The following EIF2AK4 variants were observed in gnomAD, a reference collection of about 807,000 sequenced individuals.
The protein encoded by EIF2AK4 is eIF-2-alpha kinase GCN2.
A neutral mutation model predicts 211.1 loss-of-function variants in EIF2AK4; 139 were observed. The ratio of observed to expected loss-of-function variants is 0.66; its 90% CI spans 0.57 to 0.76. EIF2AK4 has a LOEUF of 0.76. Ranked by LOEUF, EIF2AK4 falls within the 30% of genes least tolerant of loss-of-function variation. The probability of loss-of-function intolerance (pLI) is 0.00; values close to 1 mark genes in which losing one functional copy is unlikely to be tolerated. For missense variants in EIF2AK4, 1,664 were observed against 2,043.8 expected, an observed-to-expected ratio of 0.81 and a Z score of 3.58; for synonymous variants, 710 against 751.3, an observed-to-expected ratio of 0.94 and a Z score of 0.90.
chr15:40,025,860 C>T, intron 32 of EIF2AK4, 117 bp from the exon 33 acceptor site: 3 of 965,850 alleles, frequency 3.1e-6, no homozygotes, highest in Non-Finnish European at 3.1e-6. Flanking sequence ...GCAAAATTGA[C>T]CCTGGTTAAG....
chr15:39,986,043 T>A (rs191828206), intron 14 of EIF2AK4, among the ~76,000 whole-genome samples, 155 bp downstream of exon 14: 44 of 152,296 alleles, frequency 2.9e-4, no homozygotes, highest in African/African-American at 1.0e-3. Context: ...GGAGGCCCTT[T>A]TCCCCAGCCT....
intron 13 of EIF2AK4, 98 bp from the exon 14 acceptor site, chr15:39,985,707 G>A: frequency 9.7e-7 from 1 of 1,032,298 alleles, no homozygotes; most frequent in South Asian, 1.5e-5. Flanking sequence ...CAACTGGGTG[G>A]CCCTGTGTTG....
At chr15:40,024,105 A>C (rs766294700) in intron 32 of EIF2AK4, among the ~76,000 whole-genome samples, 1 of 152,134 alleles carries the variant, frequency 6.6e-6, no homozygotes, top group Non-Finnish European at 1.5e-5. Context: ...TTCTTGATGA[A>C]TTGTCTTCAT....
intron 11 of EIF2AK4, chr15:39,973,993 G>A (rs1419531519): frequency 6.0e-6 from 2 of 334,914 alleles, no homozygotes; most frequent in African/African-American, 4.3e-5. Context: ...AACACACATG[G>A]TTATAACAGC....
At chr15:40,027,371 T>G (rs1595438074) in intron 33 of EIF2AK4, among the ~76,000 whole-genome samples, 1 of 152,234 alleles carries the variant, frequency 6.6e-6, no homozygotes, top group South Asian at 2.1e-4. Flanking sequence ...TTTAAGATTA[T>G]TATGAAAATA....
chr15:39,956,695 G>A (rs1483945418), intron 6 of EIF2AK4, among the ~76,000 whole-genome samples: 1 of 152,136 alleles, frequency 6.6e-6, no homozygotes, highest in Non-Finnish European at 1.5e-5. Context: ...AAGGAATTTT[G>A]GTGAAGAAAC....
Position 39,967,562 on chromosome 15 carries a change from C to A in EIF2AK4, c.1236C>A (p.Gly412=). Residue 412 remains glycine (G), a synonymous_variant, in exon 9 of 39, where the codon GGC becomes GGA. Coordinates refer to ENST00000263791, the MANE Select transcript of EIF2AK4 (RefSeq NM_001013703.4). ...LRRYTAQLLS[G]LDYLHSNSVV... The stretch of plus-strand genomic sequence containing the variant: ...GGTACACAGCTCAGCTCCTGTCAGG[C>A]CTTGATTATCTGCACAGCAATTCTG... 6.2e-7 allele frequency: 1 copy of A among 1,613,864 alleles called. No individual in the cohort carries two copies. Among genetic ancestry groups the A allele is most frequent in the Non-Finnish European group, 8.5e-7 (1 of 1,179,870 alleles).
intron 1 of EIF2AK4, among the ~76,000 whole-genome samples, chr15:39,935,557 C>T (rs77107547): frequency 1.2e-3 from 190 of 152,188 alleles, no homozygotes; most frequent in African/African-American, 4.4e-3. Flanking sequence ...TATCAAGTTC[C>T]TGAGCTCATG....
rs7173708 is a variant in EIF2AK4, at chr15:39,977,846, A to G, written c.2250-232A>G. 0.99 allele frequency: 321,203 copies of G among 322,864 alleles called. 159,799 individuals are homozygous for G. The highest frequency in any genetic ancestry group is 1 in the East Asian group (21,214 of 21,214). The allele number at this position is 322,864 out of a possible 1,614,324, so 20.0% of individuals were successfully genotyped here. On this transcript the variant is annotated intron_variant, in intron 12 of 38. Coordinates refer to ENST00000263791, the MANE Select transcript of EIF2AK4 (RefSeq NM_001013703.4). ...TGGATACAGTTTATGATTACTCTTC[A>G]CTATTAAATTTTTTGAGGAAACTTA...
At chr15:39,982,326 C>A (rs565351084) in intron 13 of EIF2AK4, among the ~76,000 whole-genome samples, 25 of 152,312 alleles carry the variant, frequency 1.6e-4, no homozygotes, top group Admixed American at 8.5e-4. Flanking sequence ...CTGAACCCTT[C>A]AAATATTAGC....
chr15:40,003,108 A>G lies in EIF2AK4; in HGVS notation c.3236-85A>G, dbSNP rs2035114381. On this transcript the variant is annotated intron_variant, in intron 22 of 38. Coordinates refer to ENST00000263791, the MANE Select transcript of EIF2AK4 (RefSeq NM_001013703.4). ...TCAATGGTCCCAGTAGCAATTACTT[A>G]ACTGTCAGGTTTGTGTTAATTTTAG... The G allele has an allele frequency of 5.8e-6, 9 of 1,552,882 alleles. No homozygotes were observed. In the Middle Eastern group the frequency reaches 6.5e-4, roughly 112 times the overall value.
intron 18 of EIF2AK4, among the ~76,000 whole-genome samples, chr15:39,996,725 A>G (rs2035023253): frequency 1.3e-5 from 2 of 152,144 alleles, no homozygotes; most frequent in African/African-American, 4.8e-5. Flanking sequence ...AAGAAAAAAA[A>G]TTTCTAGGAA....
intron 33 of EIF2AK4, among the ~76,000 whole-genome samples, chr15:40,029,081 T>C (rs2035503768): frequency 6.6e-6 from 1 of 152,186 alleles, no homozygotes. Context: ...CCTTGTATTA[T>C]GAGGGGGGCG....
At chr15:39,954,378 G>A (rs761265538) in intron 5 of EIF2AK4, among the ~76,000 whole-genome samples, 7 of 152,086 alleles carry the variant, frequency 4.6e-5, no homozygotes, top group Non-Finnish European at 1.0e-4. Flanking sequence ...TCAGCCTCCC[G>A]AGTATCTGGG....
intron 31 of EIF2AK4, chr15:40,022,280 A>G (rs935056184): frequency 2.4e-6 from 1 of 412,366 alleles, no homozygotes; most frequent in African/African-American, 2.1e-5. Context: ...ACCTCTTACT[A>G]TTGATTGATT....
At chr15:40,000,922 T>A (rs2035080876) in intron 20 of EIF2AK4, 66 bp from the exon 21 acceptor site, 3 of 1,516,884 alleles carry the variant, frequency 2.0e-6, no homozygotes, top group Non-Finnish European at 2.7e-6. Context: ...ACTACTGACT[T>A]GTCCGGAGAA....
intron 31 of EIF2AK4, chr15:40,022,118 G>C (rs1479510731): frequency 6.0e-6 from 1 of 166,482 alleles, no homozygotes; most frequent in African/African-American, 2.4e-5. Flanking sequence ...TGCTTCTTCA[G>C]TTCTGCTTTT....
Position 40,029,388 on chromosome 15 carries a change from T to C in EIF2AK4, c.4503-18T>C. ...CTTATTGACTGTTCTTTAATTGTTT[T>C]TGTTTGCTTGTTTTTAGAGAAGCTT... is the stretch of plus-strand genomic sequence containing the variant. On this transcript the variant is annotated intron_variant, in intron 33 of 38. Transcript: ENST00000263791. The C allele has an allele frequency of 1.2e-6, 2 of 1,611,982 alleles. No individual in the cohort carries two copies. The highest frequency in any genetic ancestry group is 1.7e-6 in the Non-Finnish European group (2 of 1,179,716).
In EIF2AK4 at chr15:40,031,438, T is replaced by G. The variant is rs552917991; in HGVS notation, c.4660-731T>G. Among the ~76,000 whole-genome samples the G allele has an allele frequency of 2.0e-5, 3 of 152,304 alleles. No individual in the cohort carries two copies. In the South Asian group the frequency reaches 6.2e-4, roughly 32 times the overall value. ...GTTTCTCAGGATTTGGGTGGAAACC[T>G]ATTTTTCCCGTCTTCCTACTGCCTT... On this transcript the variant is annotated intron_variant, in intron 35 of 38. Transcript: ENST00000263791.
Sources: gnomAD v4.1 joint callset for allele counts (sites outside exome capture counted in the v4.1 genomes callset) on GRCh38, gnomAD v4.1.1 for gene constraint, MANE v1.5 for transcripts, NCBI Gene and HGNC (gene_info 2026-07-23, HGNC 2026-07-21) for gene names.